Variants in ZNF675 observed in about 807,000 individuals in gnomAD.
ZNF675 encodes TRAF6 inhibitory zinc finger.
Under a neutral mutation model 56.1 loss-of-function variants are expected in ZNF675, and 36 were observed. The ratio of observed to expected loss-of-function variants is 0.64; its 90% CI spans 0.49 to 0.85. ZNF675 has a LOEUF of 0.85. Among genes scored for constraint, ZNF675 ranks in the 40% least tolerant of loss-of-function variants. ZNF675 has a pLI of 0.00. For synonymous variants in ZNF675, 200 were observed against 218.9 expected (o/e 0.91, Z 0.76); for missense variants, 663 against 654.2 (o/e 1.01, Z -0.15).
chr19:23,686,994 C>T (rs1446368606), intron 1 of ZNF675, 37 bp downstream of exon 1: 4 of 1,613,602 alleles, frequency 2.5e-6, no homozygotes, highest in African/African-American at 1.3e-5. Flanking sequence ...CAACCAGCCC[C>T]TTCCCCCTCT....
At chr19:23,685,135 T>G (rs1307972229) in intron 1 of ZNF675, among the ~76,000 whole-genome samples, 1 of 152,134 alleles carries the variant, frequency 6.6e-6, no homozygotes, top group East Asian at 1.9e-4. Flanking sequence ...CAGCTAATTT[T>G]TTTGTATTTA....
chr19:23,669,156 G>A (rs1968196162), intron 1 of ZNF675, among the ~76,000 whole-genome samples: 1 of 152,186 alleles, frequency 6.6e-6, no homozygotes, highest in African/African-American at 2.4e-5. Flanking sequence ...GTTGGTAATT[G>A]AGTGGAACTA....
In ZNF675 at chr19:23,653,263, ATTT is replaced by A; in HGVS notation, c.1667_1669del (p.Lys556del). ...GTTCTGTAGTTTCTCTCCAGTATGTATTTTTTTATGTTTAGTAAGGTTTGCAGA... is the reference window on the plus strand; with the variant it reads ...GTTCTGTAGTTTCTCTCCAGTATGTATTTTATGTTTAGTAAGGTTTGCAGA... On this transcript the variant is annotated inframe_deletion, in exon 4 of 4. Transcript: ENST00000359788. 1 of 1,610,096 alleles carries A rather than the reference ATTT, an allele frequency of 6.2e-7. No homozygotes were observed. Among genetic ancestry groups the A allele is most frequent in the Non-Finnish European group, 8.5e-7 (1 of 1,178,356 alleles).
At chr19:23,677,593 C>G (rs937268273) in intron 1 of ZNF675, among the ~76,000 whole-genome samples, 2 of 150,176 alleles carry the variant, frequency 1.3e-5, no homozygotes, top group African/African-American at 5.0e-5. Context: ...GTAATCCCAG[C>G]TACTCAGGAG....
chr19:23,685,905 C>G (rs1968436767), intron 1 of ZNF675, among the ~76,000 whole-genome samples: 1 of 152,150 alleles, frequency 6.6e-6, no homozygotes, highest in African/African-American at 2.4e-5. Flanking sequence ...AGGGGAAAAT[C>G]AGTCTCCTGT....
chr19:23,679,756 A>C (rs7255473), intron 1 of ZNF675, among the ~76,000 whole-genome samples: 146,787 of 151,202 alleles, frequency 0.97, 71,537 homozygotes, highest in Middle Eastern at 1. Flanking sequence ...TTTGGGATGC[A>C]GAGGCAGGTG....
chr19:23,676,933 G>T (rs796435216), intron 1 of ZNF675, among the ~76,000 whole-genome samples: 1 of 151,216 alleles, frequency 6.6e-6, no homozygotes, highest in South Asian at 2.1e-4. Flanking sequence ...AATTAGCCAC[G>T]CGTGGTGGCG....
chr19:23,667,889 C>CTCAT (rs879445751), intron 1 of ZNF675, among the ~76,000 whole-genome samples: 1 of 142,694 alleles, frequency 7.0e-6, no homozygotes, highest in Non-Finnish European at 1.5e-5. Context: ...GGTGTGTTTA[C>CTCAT]AAACCTTGAG....
At chr19:23,662,279 C>T (rs770604408) in intron 2 of ZNF675, 70 bp from the exon 3 acceptor site, 13 of 1,108,564 alleles carry the variant, frequency 1.2e-5, no homozygotes, top group Non-Finnish European at 1.6e-5. Flanking sequence ...GTAATGTGCT[C>T]AGTAAAGAGA....
Position 23,653,221 on chromosome 19 carries a change from C to T in ZNF675, c.*5G>A. 6.4e-7 allele frequency: 1 copy of T among 1,557,828 alleles called. No homozygotes were observed. The highest frequency in any genetic ancestry group is 8.7e-7 in the Non-Finnish European group (1 of 1,155,608). ...GAAAAATTTGAGGTGTTGTCAAAAT[C>T]ATTATCACACATTCCAGTTCTGTAG... On this transcript the variant is annotated 3_prime_UTR_variant, in exon 4 of 4. Coordinates refer to ENST00000359788, the MANE Select transcript of ZNF675 (RefSeq NM_138330.3).
chr19:23,661,897 A>C (rs1968084115), intron 3 of ZNF675: 1 of 441,072 alleles, frequency 2.3e-6, no homozygotes, highest in African/African-American at 2.0e-5. Flanking sequence ...CGAAAACTTA[A>C]AGGAAAATTA....
intron 1 of ZNF675, among the ~76,000 whole-genome samples, 175 bp downstream of exon 1, chr19:23,686,856 T>C (rs182495685): frequency 3.3e-5 from 5 of 152,272 alleles, no homozygotes; most frequent in African/African-American, 4.8e-5. Flanking sequence ...CGGGGCTGGC[T>C]GTCAGCGCGC....
chr19:23,673,704 G>A (rs1968254519), intron 1 of ZNF675, among the ~76,000 whole-genome samples: 2 of 152,122 alleles, frequency 1.3e-5, no homozygotes, highest in African/African-American at 2.4e-5. Context: ...GAGAGCATTA[G>A]GACATATATC....
rs1967933252 is a variant in ZNF675 at position 23,653,196 on chromosome 19, G to C, written c.*30C>G. ...ACCAGTATGATTTCCTTTATATTTAGAAAAATTTGAGGTGTTGTCAAAATC... is the reference window on the plus strand; with the variant it reads ...ACCAGTATGATTTCCTTTATATTTACAAAAATTTGAGGTGTTGTCAAAATC... On this transcript the variant is annotated 3_prime_UTR_variant, in exon 4 of 4. Transcript: ENST00000359788. 6.5e-6 allele frequency: 10 copies of C among 1,531,482 alleles called. No individual in the cohort carries two copies. The highest frequency in any genetic ancestry group is 1.8e-4 in the Middle Eastern group (1 of 5,680). 94.9% of individuals were successfully genotyped at this position (1,531,482 alleles called of 1,614,324 possible).
rs747570165 is a variant in ZNF675, at chr19:23,654,091, T to C, written c.842A>G (p.Glu281Gly). Residue 281 changes from glutamate (E) to glycine (G), a missense_variant, in exon 4 of 4, where the codon GAG becomes GGG. This residue lies in a region of ZNF675 where 617 missense variants were observed against 590.5 expected (regional missense o/e 1.04). Transcript: ENST00000359788. ...LTTHKIIHTG[E>G]KPYKCEECGK... is the part of the protein sequence containing the mutation. The stretch of plus-strand genomic sequence containing the variant: ...ACATTCTTCACATTTGTAGGGTTTC[T>C]CTCCTGTATGAATTATCTTATGTGT... The C allele has an allele frequency of 5.6e-6, 9 of 1,613,912 alleles. 1 individual carries two copies. The South Asian group carries it at 9.9e-5, about 18-fold the overall frequency.
At chr19:23,676,664 T>G (rs1968298531) in intron 1 of ZNF675, among the ~76,000 whole-genome samples, 1 of 151,866 alleles carries the variant, frequency 6.6e-6, no homozygotes, top group African/African-American at 2.4e-5. Context: ...ATCCTTCATG[T>G]TATAACCCTC....
chr19:23,687,211 C>T lies in ZNF675; in HGVS notation c.-178G>A, dbSNP rs1968456229. On this transcript the variant is annotated 5_prime_UTR_variant, in exon 1 of 4. Coordinates refer to ENST00000359788, the MANE Select transcript of ZNF675 (RefSeq NM_138330.3). Reference sequence around the variant, plus strand: ...CGCCAAATCCCGGAAGCCATCTTGTCTGCTCCAGCTGCGTGCCTGATTGGA... The same window carrying T: ...CGCCAAATCCCGGAAGCCATCTTGTTTGCTCCAGCTGCGTGCCTGATTGGA... The T allele has an allele frequency of 1.5e-6, 1 of 675,062 alleles. No homozygotes were observed. Among genetic ancestry groups the T allele is most frequent in the Non-Finnish European group, 2.6e-6 (1 of 390,380 alleles). 41.8% of individuals were successfully genotyped at this position (675,062 alleles called of 1,614,324 possible).
chr19:23,684,298 G>A (rs1700432182), intron 1 of ZNF675, among the ~76,000 whole-genome samples: 1 of 150,972 alleles, frequency 6.6e-6, no homozygotes, highest in Admixed American at 6.6e-5. Context: ...GTCAAAATAA[G>A]TGCACTAATC....
chr19:23,685,951 C>A (rs1476514704), intron 1 of ZNF675, among the ~76,000 whole-genome samples: 3 of 152,118 alleles, frequency 2.0e-5, no homozygotes, highest in Non-Finnish European at 2.9e-5. Context: ...GGCAATTAGA[C>A]GGAGGTTACT....
Sources: allele counts gnomAD v4.1 joint callset (sites outside exome capture counted in the v4.1 genomes callset), GRCh38; gene constraint gnomAD v4.1.1; regional missense constraint gnomAD v4.1.1; transcripts MANE v1.5; gene names NCBI Gene and HGNC (gene_info 2026-07-23, HGNC 2026-07-21).